The following C2orf42 variants were observed in gnomAD, a reference collection of about 807,000 sequenced individuals.
C2orf42 encodes uncharacterized protein C2orf42.
C2orf42 carries 44 observed loss-of-function variants against 58.9 expected under a neutral mutation model. That is an observed-to-expected ratio of 0.75 (90% CI 0.59 to 0.96). The LOEUF (loss-of-function observed/expected upper bound fraction) is 0.96. Ranked by LOEUF, C2orf42 falls within the 40% of genes least tolerant of loss-of-function variation. The pLI is 0.00. For synonymous variants in C2orf42, 239 were observed against 265.4 expected (o/e 0.90, Z 0.97); for missense variants, 630 against 699.2 (o/e 0.90, Z 1.12).
chr2:70,162,381 C>T (rs904724950), intron 8 of C2orf42, among the ~76,000 whole-genome samples: 1 of 151,670 alleles, frequency 6.6e-6, no homozygotes, highest in African/African-American at 2.4e-5. Context: ...GGCGCACTGG[C>T]TCACGCCTGT....
intron 8 of C2orf42, among the ~76,000 whole-genome samples, chr2:70,164,045 C>T (rs1426173717): frequency 1.3e-5 from 2 of 150,450 alleles, no homozygotes; most frequent in Non-Finnish European, 3.0e-5. Context: ...GGCCTGGTGG[C>T]TCATGCCTGT....
chr2:70,188,333 G>A (rs112235794), intron 1 of C2orf42, among the ~76,000 whole-genome samples: 4,347 of 151,546 alleles, frequency 0.029, 177 homozygotes, highest in African/African-American at 0.098. Flanking sequence ...GATTACAGGC[G>A]TCCACCACCA....
At position 70,181,265 on chromosome 2, in the gene C2orf42, T is replaced by C; in HGVS notation, c.721A>G (p.Thr241Ala). The change falls in exon 3 of 10, where the codon ACA becomes GCA. Residue 241 changes from threonine (T) to alanine (A), a missense_variant. Coordinates refer to ENST00000264434, the MANE Select transcript of C2orf42 (RefSeq NM_017880.3). The stretch of plus-strand genomic sequence containing the variant: ...AAGAAATGAATGCATCTCTGGGCTG[T>C]CTCATCCTTGGAGGCATTTGACTTG... ...SHKSNASKDE[T>A]AQRCIHFFAC... 1 of 1,613,320 alleles carries C rather than the reference T, an allele frequency of 6.2e-7. No individual in the cohort carries two copies. The highest frequency in any genetic ancestry group is 8.5e-7 in the Non-Finnish European group (1 of 1,179,332).
chr2:70,169,042 C>G (rs963708641), intron 6 of C2orf42, among the ~76,000 whole-genome samples: 3 of 151,900 alleles, frequency 2.0e-5, no homozygotes, highest in Non-Finnish European at 4.4e-5. Flanking sequence ...ATATAACTAT[C>G]TTAGTCTCAT....
chr2:70,175,678 C>CT lies in C2orf42; in HGVS notation c.1033dup (p.Arg345LysfsTer10). The stretch of plus-strand genomic sequence containing the variant: ...TCTAGGGAAGGGAAACTTACCCTGC[C>CT]TTTTTAACGAGGAAGCAACCACAGG... On this transcript the variant is annotated frameshift_variant, in exon 5 of 10. Transcript: ENST00000264434. LOFTEE classifies it high-confidence loss of function. The CT allele has an allele frequency of 6.2e-7, 1 of 1,601,500 alleles. No individual in the cohort carries two copies. Among genetic ancestry groups the CT allele is most frequent in the Non-Finnish European group, 8.6e-7 (1 of 1,168,634 alleles).
chr2:70,190,506 G>C (rs1675279542), intron 1 of C2orf42: 1 of 152,234 alleles, frequency 6.6e-6, no homozygotes, highest in African/African-American at 2.4e-5. Flanking sequence ...CTGTTACTCA[G>C]ATTTGACGGA....
chr2:70,161,052 T>C (rs1673024520), intron 8 of C2orf42, among the ~76,000 whole-genome samples: 1 of 152,184 alleles, frequency 6.6e-6, no homozygotes, highest in Non-Finnish European at 1.5e-5. Flanking sequence ...AACATCTTCA[T>C]GGGTACATGA....
chr2:70,177,173 G>A lies in C2orf42; in HGVS notation c.935-1396C>T, dbSNP rs149356657. The stretch of plus-strand genomic sequence containing the variant: ...TGTAATCACAGCTACTTAGGAGACC[G>A]AGGCAGGAGAATCACTTGAACCCGA... On this transcript the variant is annotated intron_variant, in intron 4 of 9. Transcript: ENST00000264434. Among the ~76,000 whole-genome samples, 26 of 152,054 alleles carry A rather than the reference G, an allele frequency of 1.7e-4. No individual in the cohort carries two copies. The East Asian group carries it at 4.8e-3, about 28-fold the overall frequency.
chr2:70,158,416 T>C (rs1171688204), intron 9 of C2orf42, among the ~76,000 whole-genome samples: 1 of 150,630 alleles, frequency 6.6e-6, no homozygotes, highest in African/African-American at 2.5e-5. Context: ...AATTGCATAT[T>C]CCTTTTATTA....
At position 70,150,553 on chromosome 2, in the gene C2orf42, G is replaced by A. The variant is rs1452553710; in HGVS notation, c.1528C>T (p.Pro510Ser). 15 of 1,612,946 alleles carry A rather than the reference G, an allele frequency of 9.3e-6. No homozygotes were observed. The highest frequency in any genetic ancestry group is 1.2e-5 in the Non-Finnish European group (14 of 1,178,994). ...KTFLKVGNTS[P>S]DQKEPTPFII... ...AAAGGTGTTGGCTCCTTTTGATCTG[G>A]GGAAGTGTTGCCTAAAGAGAAGAAA... Residue 510 changes from proline to serine, a missense_variant, in exon 10 of 10, where the codon CCA (proline) becomes TCA (serine). Pro to Ser is a moderately conservative substitution (Grantham distance 74). Coordinates refer to ENST00000264434, the MANE Select transcript of C2orf42 (RefSeq NM_017880.3).
Position 70,176,889 on chromosome 2 carries a change from A to G in C2orf42, c.935-1112T>C, listed in dbSNP as rs1027717294. ...CAGTGGTTAACCCTTAGTTGTTTCT[A>G]ATTTTTTAATTTTCTAAATAATCAT... On this transcript the variant is annotated intron_variant, in intron 4 of 9. Coordinates refer to ENST00000264434, the MANE Select transcript of C2orf42 (RefSeq NM_017880.3). Among the ~76,000 whole-genome samples, 87 of 152,120 alleles carry G rather than the reference A, an allele frequency of 5.7e-4. 3 individuals are homozygous for G. Among genetic ancestry groups the G allele is most frequent in the Non-Finnish European group, 3.1e-4 (21 of 68,022 alleles).
intron 1 of C2orf42, among the ~76,000 whole-genome samples, chr2:70,184,365 T>C (rs531002415): frequency 6.6e-6 from 1 of 152,100 alleles, no homozygotes; most frequent in East Asian, 1.9e-4. Flanking sequence ...TTAGTAGAGA[T>C]GTGGTTTCAC....
Position 70,182,852 on chromosome 2 carries a change from C to G in C2orf42, c.-198G>C, listed in dbSNP as rs1674669863. The G allele has an allele frequency of 6.6e-6, 1 of 152,348 alleles. No homozygotes were observed. Among genetic ancestry groups the G allele is most frequent in the Middle Eastern group, 3.4e-3 (1 of 294 alleles). The allele number at this position is 152,348 out of a possible 1,614,324, so 9.4% of individuals were successfully genotyped here. On this transcript the variant is annotated 5_prime_UTR_variant, in exon 2 of 10. Transcript: ENST00000264434. Reference sequence around the variant, plus strand: ...TAACAATGCAGACATTCTGCCTCCTCCTTCTCCACCAGCCAATGGCAAAGC... The same window carrying G: ...TAACAATGCAGACATTCTGCCTCCTGCTTCTCCACCAGCCAATGGCAAAGC...
chr2:70,162,057 G>A (rs1306983736), intron 8 of C2orf42, among the ~76,000 whole-genome samples: 2 of 151,508 alleles, frequency 1.3e-5, no homozygotes, highest in Admixed American at 1.3e-4. Flanking sequence ...TGTCACCCAG[G>A]CTAGAATGCA....
chr2:70,188,237 G>T (rs1675084512), intron 1 of C2orf42, among the ~76,000 whole-genome samples: 1 of 151,844 alleles, frequency 6.6e-6, no homozygotes. Context: ...ACCCAGGCTG[G>T]AGTGCAGTGG....
chr2:70,166,582 A>G (rs1346526772), intron 6 of C2orf42, among the ~76,000 whole-genome samples: 1 of 151,330 alleles, frequency 6.6e-6, no homozygotes, highest in East Asian at 2.0e-4. Flanking sequence ...AAGCTGAGGC[A>G]GGAGAATCGC....
Position 70,181,255 on chromosome 2 carries a change from C to T in C2orf42, c.731G>A (p.Arg244Lys). ...SNASKDETAQRCIHFFACICA... is the reference protein window; with the variant it reads ...SNASKDETAQKCIHFFACICA... ...GATGCAAGCAAAGAAATGAATGCAT[C>T]TCTGGGCTGTCTCATCCTTGGAGGC... Residue 244 changes from arginine (R) to lysine (K), a missense_variant, in exon 3 of 10, where the codon AGA (arginine) becomes AAA (lysine). By Grantham distance (26) the Arg-to-Lys change is conservative. Transcript: ENST00000264434. The T allele has an allele frequency of 6.2e-7, 1 of 1,612,470 alleles. No individual in the cohort carries two copies.
At chr2:70,187,587 C>T (rs1018756298) in intron 1 of C2orf42, among the ~76,000 whole-genome samples, 7 of 152,126 alleles carry the variant, frequency 4.6e-5, no homozygotes, top group African/African-American at 1.7e-4. Context: ...CTCCAGCAGG[C>T]GATTTGTGAG....
rs1182514916 is a variant in C2orf42 at position 70,189,406 on chromosome 2, C to CAAAAAAAAA, written c.-282+1558_-282+1566dup. Among the ~76,000 whole-genome samples the CAAAAAAAAA allele has an allele frequency of 5.3e-3, 144 of 27,126 alleles. 2 individuals are homozygous for CAAAAAAAAA. The highest frequency in any genetic ancestry group is 0.013 in the African/African-American group (136 of 10,504). 17.8% of individuals were successfully genotyped at this position (27,126 alleles called of 152,430 possible). ...GGGGAACAAGAGAGAAACTCCATCTCAAAAAAAAAAAAAAAAAAAAAAAAA... is the reference window on the plus strand; with the variant it reads ...GGGGAACAAGAGAGAAACTCCATCTCAAAAAAAAAAAAAAAAAAAAAAAAAAAAAAAAAA... On this transcript the variant is annotated intron_variant, in intron 1 of 9. Transcript: ENST00000264434.
Sources: allele counts gnomAD v4.1 joint callset (sites outside exome capture counted in the v4.1 genomes callset), GRCh38; gene constraint gnomAD v4.1.1; transcripts MANE v1.5; gene names NCBI Gene and HGNC (gene_info 2026-07-23, HGNC 2026-07-21).